Variants in TGFBR3 observed in about 807,000 individuals in gnomAD.
TGFBR3 encodes the protein transforming growth factor beta receptor type 3.
In TGFBR3, 46 loss-of-function variants were observed where a neutral mutation model predicts 87.9. That is an observed-to-expected ratio of 0.52 (90% CI 0.41 to 0.67). The LOEUF (loss-of-function observed/expected upper bound fraction) is 0.67. Ranked by LOEUF, TGFBR3 falls within the 30% of genes least tolerant of loss-of-function variation. The pLI is 0.00. For missense variants in TGFBR3, 866 were observed against 1,041.9 expected (o/e 0.83, Z 2.32); for synonymous variants, 381 against 391.6 (o/e 0.97, Z 0.32).
chr1:91,763,755 A>G (rs1674061150), intron 3 of TGFBR3, among the ~76,000 whole-genome samples: 6 of 152,214 alleles, frequency 3.9e-5, no homozygotes, highest in Admixed American at 3.9e-4. Flanking sequence ...CATTTGGGCA[A>G]TATGACTTTT....
chr1:91,734,872 C>T lies in TGFBR3; in HGVS notation c.472G>A (p.Glu158Lys), dbSNP rs753625720. 6.2e-7 allele frequency: 1 copy of T among 1,614,196 alleles called. No homozygotes were observed. Among genetic ancestry groups the T allele is most frequent in the Non-Finnish European group, 8.5e-7 (1 of 1,180,012 alleles). ...TTTCGGGCCCAATTTAACAGATGTTCATTTCCATGGGGGAAGTTCCTTTCT... is the reference window on the plus strand; with the variant it reads ...TTTCGGGCCCAATTTAACAGATGTTTATTTCCATGGGGGAAGTTCCTTTCT... ...TEERNFPHGN[E>K]HLLNWARKEY... The change falls in exon 5 of 17, where the codon GAA becomes AAA. Residue 158 changes from glutamate to lysine, a missense_variant. Glu to Lys is a moderately conservative substitution (Grantham distance 56, BLOSUM62 1). Coordinates refer to ENST00000212355, the MANE Select transcript of TGFBR3 (RefSeq NM_003243.5).
At chr1:91,776,019 T>C (rs1473486) in intron 3 of TGFBR3, among the ~76,000 whole-genome samples, 75,936 of 152,096 alleles carry the variant, frequency 0.5, 19,454 homozygotes, top group Middle Eastern at 0.63. Context: ...AATAACAGGG[T>C]GCCCTAACCT....
At chr1:91,785,814 T>TC (rs1302153307) in intron 3 of TGFBR3, among the ~76,000 whole-genome samples, 8 of 151,540 alleles carry the variant, frequency 5.3e-5, no homozygotes, top group African/African-American at 1.9e-4. Context: ...GTCTCCCAGG[T>TC]TGGAGTGCAG....
chr1:91,687,660 G>T (rs1156439044), intron 16 of TGFBR3, among the ~76,000 whole-genome samples: 2 of 152,164 alleles, frequency 1.3e-5, no homozygotes, highest in Non-Finnish European at 2.9e-5. Context: ...ATTACAAATA[G>T]GAGCAGACAG....
At chr1:91,868,964 C>A (rs1557753868) in intron 1 of TGFBR3, among the ~76,000 whole-genome samples, 1 of 152,126 alleles carries the variant, frequency 6.6e-6, no homozygotes, top group Non-Finnish European at 1.5e-5. Context: ...TCTAGTTAGT[C>A]CAAGCTCATC....
At position 91,685,315 on chromosome 1, in the gene TGFBR3, C is replaced by CTTTTT. The variant is rs71585124; in HGVS notation, c.2438-1463_2438-1459dup. 2.6e-3 allele frequency among the ~76,000 whole-genome samples: 263 copies of CTTTTT among 100,680 alleles called. 1 individual carries two copies. Among genetic ancestry groups the CTTTTT allele is most frequent in the Middle Eastern group, 0.011 (1 of 94 alleles). The allele number at this position is 100,680 out of a possible 152,430, so 66.0% of individuals were successfully genotyped here. Reference sequence around the variant, plus strand: ...TTCCTGAGAAGCGGAGAAGCACTGCCTTTTTTTTTTTTTTTTTTTTTTTGT... The same window carrying CTTTTT: ...TTCCTGAGAAGCGGAGAAGCACTGCCTTTTTTTTTTTTTTTTTTTTTTTTTTTTGT... On this transcript the variant is annotated intron_variant, in intron 16 of 16. Transcript: ENST00000212355.
rs373700585 is a variant in TGFBR3, at chr1:91,760,462, C to T, written c.247-1712G>A. Among the ~76,000 whole-genome samples, 10 of 152,250 alleles carry T rather than the reference C, an allele frequency of 6.6e-5. No individual in the cohort carries two copies. The South Asian group carries it at 1.5e-3, about 22-fold the overall frequency. On this transcript the variant is annotated intron_variant, in intron 3 of 16. Transcript: ENST00000212355. ...TGTGCTTAACATAGACACGATAATA[C>T]ACTTGATCTTAGCCAAAAGGCCGGG... is the stretch of plus-strand genomic sequence containing the variant.
At chr1:91,860,546 G>A (rs895507551) in intron 2 of TGFBR3, among the ~76,000 whole-genome samples, 6 of 152,170 alleles carry the variant, frequency 3.9e-5, no homozygotes, top group Non-Finnish European at 8.8e-5. Context: ...AACACACTAA[G>A]ATGGTGGTGT....
intron 3 of TGFBR3, among the ~76,000 whole-genome samples, chr1:91,786,722 G>A (rs1474867418): frequency 6.6e-6 from 1 of 151,566 alleles, no homozygotes; most frequent in African/African-American, 2.4e-5. Context: ...ATGCACTCCA[G>A]CCTGGGTGAC....
chr1:91,800,642 C>T (rs1275438919), intron 2 of TGFBR3, among the ~76,000 whole-genome samples: 1 of 150,298 alleles, frequency 6.7e-6, no homozygotes, highest in Non-Finnish European at 1.5e-5. Flanking sequence ...TTTTTCCCTC[C>T]AAGATTGAAA....
intron 3 of TGFBR3, among the ~76,000 whole-genome samples, chr1:91,763,481 A>C (rs376306431): frequency 6.6e-6 from 1 of 152,250 alleles, no homozygotes; most frequent in Admixed American, 6.5e-5. Flanking sequence ...TGGATGATTC[A>C]ATAATCAGTT....
At chr1:91,809,395 T>C (rs1377958650) in intron 2 of TGFBR3, among the ~76,000 whole-genome samples, 1 of 152,012 alleles carries the variant, frequency 6.6e-6, no homozygotes, top group Non-Finnish European at 1.5e-5. Context: ...GTGGCCAGGG[T>C]CTGGGGTGCA....
rs571617753 is a variant in TGFBR3 at position 91,734,648 on chromosome 1, C to A, written c.568+128G>T. ...GGTGGAGAGGCCTGGGGCCAAATGA[C>A]CCCTCAGGTCCCTTCCAGGTCCAAC... On this transcript the variant is annotated intron_variant, in intron 5 of 16. Transcript: ENST00000212355. 1.6e-5 allele frequency: 19 copies of A among 1,187,856 alleles called. No homozygotes were observed. In the South Asian group the frequency reaches 2.1e-4, roughly 13 times the overall value. The allele number at this position is 1,187,856 out of a possible 1,614,324, so 73.6% of individuals were successfully genotyped here.
intron 16 of TGFBR3, among the ~76,000 whole-genome samples, chr1:91,691,796 T>C (rs998671243): frequency 2.6e-5 from 4 of 152,066 alleles, no homozygotes; most frequent in Non-Finnish European, 5.9e-5. Context: ...AAGGAATCAG[T>C]AGAACATTCC....
intron 2 of TGFBR3, among the ~76,000 whole-genome samples, chr1:91,836,089 A>C (rs1298458140): frequency 2.0e-5 from 3 of 151,094 alleles, no homozygotes; most frequent in Non-Finnish European, 4.4e-5. Context: ...CTCTACTAAA[A>C]ATACAAAATT....
At chr1:91,882,884 A>C (rs184255661) in intron 1 of TGFBR3, among the ~76,000 whole-genome samples, 1 of 152,312 alleles carries the variant, frequency 6.6e-6, no homozygotes, top group East Asian at 1.9e-4. Context: ...CTGAACTACT[A>C]CTATACTTGA....
chr1:91,800,336 G>T, intron 2 of TGFBR3, among the ~76,000 whole-genome samples: 1 of 147,810 alleles, frequency 6.8e-6, no homozygotes, highest in South Asian at 2.1e-4. Flanking sequence ...GTATATGTGT[G>T]TGTGTGTGTG....
chr1:91,864,584 C>G (rs1678315905), intron 1 of TGFBR3, among the ~76,000 whole-genome samples: 3 of 152,156 alleles, frequency 2.0e-5, no homozygotes, highest in Admixed American at 2.0e-4. Flanking sequence ...AGGTTTTTGT[C>G]TAATCTCCCC....
chr1:91,764,317 C>A (rs201802579), intron 3 of TGFBR3, among the ~76,000 whole-genome samples: 445 of 77,196 alleles, frequency 5.8e-3, no homozygotes, highest in African/African-American at 0.01. Context: ...ACAAAAGAGA[C>A]AAAAAAAAAA....
Sources: allele counts gnomAD v4.1 joint callset (sites outside exome capture counted in the v4.1 genomes callset), GRCh38; gene constraint gnomAD v4.1.1; transcripts MANE v1.5; gene names NCBI Gene and HGNC (gene_info 2026-07-23, HGNC 2026-07-21).